SNX4: variants seen among roughly 807,000 people sequenced by gnomAD.
SNX4 encodes sorting nexin 4.
A neutral mutation model predicts 70.8 loss-of-function variants in SNX4; 49 were observed. That is an observed-to-expected ratio of 0.69 (90% CI 0.55 to 0.88). The LOEUF (loss-of-function observed/expected upper bound fraction) is 0.88, where lower values mean the gene tolerates loss of function less well. SNX4 is among the 40% of genes least tolerant of loss of function. The probability of loss-of-function intolerance (pLI) is 0.00; values close to 1 mark genes in which losing one functional copy is unlikely to be tolerated. For missense variants in SNX4, 528 were observed against 544.8 expected (o/e 0.97, Z 0.31); for synonymous variants, 206 against 183.8 (o/e 1.12, Z -0.98).
At chr3:125,477,035 A>T (rs1006805407) in intron 7 of SNX4, among the ~76,000 whole-genome samples, 2 of 152,210 alleles carry the variant, frequency 1.3e-5, no homozygotes, top group African/African-American at 4.8e-5. Context: ...CCCATCAGGT[A>T]TTTAATAAAT....
intron 5 of SNX4, among the ~76,000 whole-genome samples, chr3:125,496,340 G>A (rs545736700): frequency 6.6e-6 from 1 of 152,152 alleles, no homozygotes; most frequent in East Asian, 1.9e-4. Flanking sequence ...ATCAGTTTAT[G>A]ACAGAACTGG....
intron 9 of SNX4, 151 bp from the exon 10 acceptor site, chr3:125,461,011 AGGTC>A: frequency 2.8e-6 from 1 of 351,830 alleles, no homozygotes; most frequent in Non-Finnish European, 5.2e-6. Context: ...AGATCACTTG[AGGTC>A]AGGAGTTCGA....
chr3:125,467,323 G>A (rs1174185845), intron 9 of SNX4, among the ~76,000 whole-genome samples: 2 of 152,070 alleles, frequency 1.3e-5, no homozygotes, highest in South Asian at 4.1e-4. Flanking sequence ...GGAGGCAGAG[G>A]TTGCAGTGAG....
chr3:125,508,920 A>G (rs1350360956), intron 1 of SNX4, among the ~76,000 whole-genome samples: 1 of 152,230 alleles, frequency 6.6e-6, no homozygotes, highest in African/African-American at 2.4e-5. Flanking sequence ...ACACGGGAAA[A>G]GTTTCAAGAC....
chr3:125,509,845 A>G (rs1181348945), intron 1 of SNX4, among the ~76,000 whole-genome samples: 2 of 152,122 alleles, frequency 1.3e-5, no homozygotes, highest in African/African-American at 4.8e-5. Context: ...GAAGAAGCAC[A>G]TGAAAAGATA....
chr3:125,508,342 C>A (rs554014497), intron 1 of SNX4, among the ~76,000 whole-genome samples: 11 of 151,952 alleles, frequency 7.2e-5, no homozygotes, highest in Non-Finnish European at 1.3e-4. Flanking sequence ...CTGGGGCGGG[C>A]GGATCACGAG....
intron 5 of SNX4, among the ~76,000 whole-genome samples, chr3:125,490,021 C>T (rs562316410): frequency 1.2e-3 from 182 of 151,964 alleles, no homozygotes; most frequent in African/African-American, 4.2e-3. Context: ...ACCAGCTACT[C>T]GGGAGTCTGA....
intron 8 of SNX4, among the ~76,000 whole-genome samples, chr3:125,471,637 T>C (rs9834150): frequency 0.072 from 10,947 of 152,266 alleles, 470 homozygotes; most frequent in South Asian, 0.099. Context: ...AAATGTTCAA[T>C]TAACAGAACA....
chr3:125,450,126 A>AG (rs1408538008), intron 13 of SNX4, among the ~76,000 whole-genome samples: 1 of 152,204 alleles, frequency 6.6e-6, no homozygotes, highest in African/African-American at 2.4e-5. Flanking sequence ...GTAAATATCT[A>AG]GCACCTAGCT....
intron 2 of SNX4, among the ~76,000 whole-genome samples, chr3:125,502,402 G>A (rs1559823666): frequency 6.7e-6 from 1 of 150,346 alleles, no homozygotes; most frequent in African/African-American, 2.4e-5. Flanking sequence ...TCTGGTAGAA[G>A]GAAAACTAAA....
chr3:125,490,358 T>C (rs980993646), intron 5 of SNX4, among the ~76,000 whole-genome samples: 1 of 150,878 alleles, frequency 6.6e-6, no homozygotes, highest in African/African-American at 2.4e-5. Context: ...CTGTCTCTAC[T>C]AAAAATACAA....
At chr3:125,451,240 T>G in intron 13 of SNX4, 65 bp downstream of exon 13, 1 of 996,246 alleles carries the variant, frequency 1.0e-6, no homozygotes, top group Non-Finnish European at 1.4e-6. Flanking sequence ...GGTCAGGTAA[T>G]TTAAATACAT....
intron 6 of SNX4, among the ~76,000 whole-genome samples, chr3:125,486,657 G>A (rs1450422884): frequency 6.6e-6 from 1 of 152,036 alleles, no homozygotes; most frequent in Non-Finnish European, 1.5e-5. Flanking sequence ...TATATAATCT[G>A]GTCAGTTTAC....
chr3:125,495,023 C>T (rs1338766442), intron 5 of SNX4, among the ~76,000 whole-genome samples: 2 of 151,754 alleles, frequency 1.3e-5, no homozygotes, highest in East Asian at 3.9e-4. Flanking sequence ...AGGCTGTAAC[C>T]TAAAAAACAG....
chr3:125,452,975 G>T (rs1012296003), intron 12 of SNX4, among the ~76,000 whole-genome samples: 2 of 152,112 alleles, frequency 1.3e-5, no homozygotes, highest in Non-Finnish European at 2.9e-5. Context: ...TTCTAAAAAT[G>T]AACAAAACCA....
chr3:125,485,562 T>G (rs1044242065), intron 6 of SNX4, among the ~76,000 whole-genome samples: 3 of 152,128 alleles, frequency 2.0e-5, no homozygotes, highest in African/African-American at 4.8e-5. Flanking sequence ...CCTCCCAAAG[T>G]GCTGGGATTA....
intron 5 of SNX4, among the ~76,000 whole-genome samples, chr3:125,491,614 A>T (rs527716070): frequency 1.4e-4 from 22 of 152,328 alleles, no homozygotes; most frequent in Admixed American, 2.0e-4. Flanking sequence ...CTAAAATGTC[A>T]CCAAACCGCT....
chr3:125,470,419 T>A (rs1167120017), intron 8 of SNX4, among the ~76,000 whole-genome samples: 1 of 151,296 alleles, frequency 6.6e-6, no homozygotes, highest in African/African-American at 2.4e-5. Context: ...AATTCCAACA[T>A]ATCATAAAAA....
At chr3:125,459,262 C>A (rs1933813078) in intron 10 of SNX4, among the ~76,000 whole-genome samples, 1 of 152,160 alleles carries the variant, frequency 6.6e-6, no homozygotes, top group Admixed American at 6.5e-5. Context: ...TCGGTGTTAC[C>A]AGATAGTATA....
Sources: gnomAD v4.1 joint callset for allele counts (sites outside exome capture counted in the v4.1 genomes callset) on GRCh38, gnomAD v4.1.1 for gene constraint, MANE v1.5 for transcripts, NCBI Gene and HGNC (gene_info 2026-07-23, HGNC 2026-07-21) for gene names.